The following MUSK variants were observed in gnomAD, a reference collection of about 807,000 sequenced individuals.
MUSK encodes muscle associated receptor tyrosine kinase, also known as muscle, skeletal receptor tyrosine-protein kinase.
In MUSK, 55 loss-of-function variants were observed where a neutral mutation model predicts 88.7. The ratio of observed to expected loss-of-function variants is 0.62; its 90% CI spans 0.50 to 0.78. MUSK has a LOEUF of 0.78. Among genes scored for constraint, MUSK ranks in the 30% least tolerant of loss-of-function variants. The probability of loss-of-function intolerance (pLI) is 0.00; values close to 1 mark genes in which losing one functional copy is unlikely to be tolerated. For synonymous variants in MUSK, 387 were observed against 391.9 expected, an observed-to-expected ratio of 0.99 and a Z score of 0.15; for missense variants, 1,015 against 1,074.3, an observed-to-expected ratio of 0.94 and a Z score of 0.77.
chr9:110,770,331 TTAA>T (rs916810994), intron 9 of MUSK, among the ~76,000 whole-genome samples: 3 of 73,996 alleles, frequency 4.1e-5, no homozygotes, highest in African/African-American at 8.7e-5. Context: ...TCAATAATAA[TTAA>T]TAATTATTAT....
chr9:110,725,172 T>A (rs1019369336), intron 5 of MUSK, among the ~76,000 whole-genome samples: 1 of 152,042 alleles, frequency 6.6e-6, no homozygotes, highest in African/African-American at 2.4e-5. Flanking sequence ...CCAAACATTG[T>A]ATGTTTTCAT....
chr9:110,694,215 CAAAAAAA>C (rs1217917603), intron 3 of MUSK, among the ~76,000 whole-genome samples: 131 of 72,096 alleles, frequency 1.8e-3, no homozygotes, highest in African/African-American at 5.5e-3. Context: ...ACTAAAAATA[CAAAAAAA>C]AAAAAAAAAA....
chr9:110,693,894 A>T (rs1381868958), intron 3 of MUSK, among the ~76,000 whole-genome samples: 1 of 152,160 alleles, frequency 6.6e-6, no homozygotes, highest in Non-Finnish European at 1.5e-5. Context: ...CTGTATGACA[A>T]TACAACTCAC....
chr9:110,735,251 T>C (rs1475403034), intron 6 of MUSK, among the ~76,000 whole-genome samples: 5 of 152,122 alleles, frequency 3.3e-5, no homozygotes, highest in Non-Finnish European at 7.4e-5. Flanking sequence ...AAGAGGTATC[T>C]GCACTCCCAT....
At chr9:110,788,520 T>A (rs2077912715) in intron 14 of MUSK, among the ~76,000 whole-genome samples, 1 of 151,876 alleles carries the variant, frequency 6.6e-6, no homozygotes, top group Admixed American at 6.6e-5. Context: ...TAATCCTAGC[T>A]ACTCGGGAGG....
Position 110,736,355 on chromosome 9 carries a change from A to T in MUSK, c.753+1980A>T, listed in dbSNP as rs145760602. On this transcript the variant is annotated intron_variant, in intron 6 of 14. Coordinates refer to ENST00000374448, the MANE Select transcript of MUSK (RefSeq NM_005592.4). ...GGAAGATTATATTTTTAAAAGAATG[A>T]TCAGTGAAGGCTCATTTGGACAAAG... 3.9e-5 allele frequency among the ~76,000 whole-genome samples: 6 copies of T among 152,250 alleles called. 1 individual carries two copies. The highest frequency in any genetic ancestry group is 2.1e-4 in the South Asian group (1 of 4,830).
At chr9:110,762,168 G>C (rs554363541) in intron 7 of MUSK, 34 bp from the exon 8 acceptor site, 2 of 1,411,758 alleles carry the variant, frequency 1.4e-6, no homozygotes, top group Non-Finnish European at 1.9e-6. Context: ...CCTTTAATTT[G>C]ACTTCCTGTG....
At chr9:110,684,982 T>A (rs1045671951) in intron 2 of MUSK, among the ~76,000 whole-genome samples, 1 of 152,132 alleles carries the variant, frequency 6.6e-6, no homozygotes, top group Admixed American at 6.6e-5. Context: ...TTGCTCTAGG[T>A]AGGACTTCCA....
At chr9:110,706,819 C>T (rs1310158032) in intron 5 of MUSK, among the ~76,000 whole-genome samples, 1 of 152,052 alleles carries the variant, frequency 6.6e-6, no homozygotes, top group African/African-American at 2.4e-5. Context: ...GCCTGGGCAA[C>T]ATGGTGAAGC....
At chr9:110,704,735 C>T (rs780045176) in intron 5 of MUSK, among the ~76,000 whole-genome samples, 2 of 151,750 alleles carry the variant, frequency 1.3e-5, no homozygotes, top group Non-Finnish European at 2.9e-5. Flanking sequence ...CCTATAATCC[C>T]AGCACTTTGG....
rs1022473703 is a variant in MUSK, at chr9:110,735,365, G to T, written c.753+990G>T. Among the ~76,000 whole-genome samples the T allele has an allele frequency of 7.0e-4, 107 of 152,070 alleles. 2 individuals are homozygous for T. The highest frequency in any genetic ancestry group is 6.9e-3 in the Admixed American group (106 of 15,262). On this transcript the variant is annotated intron_variant, in intron 6 of 14. Coordinates refer to ENST00000374448, the MANE Select transcript of MUSK (RefSeq NM_005592.4). ...AATGTGGTACATATACACAATGAAAGAAATATTACTAATCCATAAGAAGAA... is the reference window on the plus strand; with the variant it reads ...AATGTGGTACATATACACAATGAAATAAATATTACTAATCCATAAGAAGAA...
At chr9:110,674,809 T>C (rs907271226) in intron 1 of MUSK, among the ~76,000 whole-genome samples, 1 of 151,866 alleles carries the variant, frequency 6.6e-6, no homozygotes, top group Non-Finnish European at 1.5e-5. Flanking sequence ...ATGTGGTTTC[T>C]CTGTGCTGCC....
intron 5 of MUSK, among the ~76,000 whole-genome samples, chr9:110,723,615 A>G (rs2076845250): frequency 1.3e-5 from 2 of 152,076 alleles, no homozygotes; most frequent in African/African-American, 4.8e-5. Context: ...TAATCCTCCT[A>G]TGCAATCCCA....
chr9:110,779,598 A>G (rs985020878), intron 11 of MUSK, among the ~76,000 whole-genome samples: 2 of 152,174 alleles, frequency 1.3e-5, no homozygotes, highest in Non-Finnish European at 2.9e-5. Context: ...AGCACAGAAC[A>G]TGATCTGATC....
chr9:110,670,932 C>T (rs1282504182), intron 1 of MUSK, among the ~76,000 whole-genome samples: 3 of 152,020 alleles, frequency 2.0e-5, no homozygotes, highest in Non-Finnish European at 4.4e-5. Context: ...GTGAGGAATA[C>T]ATTGGTAGAA....
At chr9:110,747,850 T>C (rs770393857) in intron 7 of MUSK, 50 bp downstream of exon 7, 3 of 1,576,762 alleles carry the variant, frequency 1.9e-6, no homozygotes, top group Non-Finnish European at 2.6e-6. Context: ...GGAGAGTTGA[T>C]ACTATTCTAC....
intron 5 of MUSK, among the ~76,000 whole-genome samples, chr9:110,697,763 G>A (rs2076452877): frequency 6.6e-6 from 1 of 152,030 alleles, no homozygotes; most frequent in African/African-American, 2.4e-5. Flanking sequence ...ATTTTAGAAT[G>A]CCTTCCTGGT....
At chr9:110,698,352 T>A (rs745860365) in intron 5 of MUSK, among the ~76,000 whole-genome samples, 2 of 152,208 alleles carry the variant, frequency 1.3e-5, no homozygotes, top group Admixed American at 6.5e-5. Flanking sequence ...CTATAAGAAT[T>A]ATCATCTATT....
intron 1 of MUSK, among the ~76,000 whole-genome samples, chr9:110,680,445 G>A (rs1007901994): frequency 9.5e-5 from 14 of 147,520 alleles, no homozygotes; most frequent in African/African-American, 3.5e-4. Flanking sequence ...GTGCAGTGGT[G>A]CGATCTCAGC....
Sources: allele counts gnomAD v4.1 joint callset (sites outside exome capture counted in the v4.1 genomes callset), GRCh38; gene constraint gnomAD v4.1.1; transcripts MANE v1.5; gene names NCBI Gene and HGNC (gene_info 2026-07-23, HGNC 2026-07-21).